Variants in COBL observed in about 807,000 individuals in gnomAD.
COBL encodes the protein protein cordon-bleu.
In COBL, 51 loss-of-function variants were observed where a neutral mutation model predicts 98.8. The observed-to-expected ratio is 0.52, with a 90% confidence interval of 0.41 to 0.65. The LOEUF (loss-of-function observed/expected upper bound fraction) is 0.65, where lower values mean the gene tolerates loss of function less well. Ranked by LOEUF, COBL falls within the 30% of genes least tolerant of loss-of-function variation. The pLI is 0.00. For missense variants in COBL, 1,617 were observed against 1,617.5 expected (o/e 1.00, Z 0.01); for synonymous variants, 634 against 651.7 (o/e 0.97, Z 0.41).
chr7:51,105,142 C>T (rs1796143167), intron 6 of COBL, among the ~76,000 whole-genome samples: 1 of 152,048 alleles, frequency 6.6e-6, no homozygotes, highest in East Asian at 1.9e-4. Context: ...AGATAAATTA[C>T]CTGCTGTACC....
chr7:51,153,193 T>C (rs189430824), intron 5 of COBL, among the ~76,000 whole-genome samples: 1 of 152,306 alleles, frequency 6.6e-6, no homozygotes, highest in East Asian at 1.9e-4. Flanking sequence ...AAAAGATACT[T>C]TTTTATTAGC....
chr7:51,252,565 T>C, intron 1 of COBL, among the ~76,000 whole-genome samples: 1 of 152,210 alleles, frequency 6.6e-6, no homozygotes, highest in East Asian at 1.9e-4. Flanking sequence ...TCACTGCAGC[T>C]GTTTTGAAAA....
intron 6 of COBL, 28 bp downstream of exon 6, chr7:51,136,130 T>C (rs751374367): frequency 6.3e-7 from 1 of 1,592,814 alleles, no homozygotes; most frequent in East Asian, 2.2e-5. Flanking sequence ...AAAGATGCTT[T>C]GGTTGTGAGA....
intron 6 of COBL, among the ~76,000 whole-genome samples, chr7:51,091,657 T>C (rs1794822127): frequency 6.6e-6 from 1 of 152,042 alleles, no homozygotes. Context: ...GAAATAGACA[T>C]ACAAAATTTT....
chr7:51,178,869 A>T (rs1450009857), intron 5 of COBL, among the ~76,000 whole-genome samples: 4 of 152,208 alleles, frequency 2.6e-5, no homozygotes, highest in Admixed American at 6.5e-5. Flanking sequence ...TTGGCCTCCC[A>T]AAGTGCTGGG....
At chr7:51,281,806 G>A (rs1197716364) in intron 1 of COBL, among the ~76,000 whole-genome samples, 6 of 152,138 alleles carry the variant, frequency 3.9e-5, no homozygotes. Flanking sequence ...AGATAGAATA[G>A]AAATAGTATG....
At chr7:51,295,599 C>T (rs1383181613) in intron 1 of COBL, among the ~76,000 whole-genome samples, 1 of 152,122 alleles carries the variant, frequency 6.6e-6, no homozygotes, top group Non-Finnish European at 1.5e-5. Flanking sequence ...AAAGCAAACA[C>T]GACATCCTGG....
At chr7:51,298,916 C>G (rs1029693840) in intron 1 of COBL, among the ~76,000 whole-genome samples, 5 of 152,204 alleles carry the variant, frequency 3.3e-5, no homozygotes, top group African/African-American at 1.2e-4. Flanking sequence ...TTTCTCATAT[C>G]TCAGCTCTCC....
intron 8 of COBL, among the ~76,000 whole-genome samples, chr7:51,040,608 G>A (rs1166480044): frequency 6.6e-6 from 1 of 152,156 alleles, no homozygotes; most frequent in Non-Finnish European, 1.5e-5. Flanking sequence ...ATGATCAAAA[G>A]GTAATGTTTG....
intron 1 of COBL, among the ~76,000 whole-genome samples, chr7:51,315,877 A>T (rs1803519899): frequency 1.3e-5 from 2 of 151,936 alleles, no homozygotes; most frequent in Admixed American, 6.5e-5. Context: ...AGGTTTGGGC[A>T]AAAGCGGAAT....
chr7:51,223,801 T>C (rs1584232222), intron 1 of COBL, among the ~76,000 whole-genome samples: 1 of 152,358 alleles, frequency 6.6e-6, no homozygotes, highest in Non-Finnish European at 1.5e-5. Flanking sequence ...GCTTAAAATA[T>C]GCCCAGGTCC....
intron 6 of COBL, among the ~76,000 whole-genome samples, chr7:51,125,766 T>A (rs1315819384): frequency 6.6e-6 from 1 of 152,056 alleles, no homozygotes; most frequent in African/African-American, 2.4e-5. Flanking sequence ...CTGAGAGAAA[T>A]TTTTTTTCTA....
At chr7:51,275,007 C>T (rs1040919626) in intron 1 of COBL, among the ~76,000 whole-genome samples, 6 of 152,306 alleles carry the variant, frequency 3.9e-5, no homozygotes, top group African/African-American at 1.2e-4. Context: ...ATCATCTGGC[C>T]GTGCAATTCA....
chr7:51,055,593 A>G (rs1200745559), intron 7 of COBL, among the ~76,000 whole-genome samples: 2 of 152,032 alleles, frequency 1.3e-5, no homozygotes, highest in East Asian at 3.9e-4. Flanking sequence ...GATTGTCCAG[A>G]CCCCATACCC....
At chr7:51,066,300 T>C (rs572650687) in intron 7 of COBL, among the ~76,000 whole-genome samples, 1 of 152,222 alleles carries the variant, frequency 6.6e-6, no homozygotes, top group South Asian at 2.1e-4. Context: ...ACATGAGAGA[T>C]CCTCCCATAA....
chr7:51,070,424 C>CACACACACACACACAT (rs3222194), intron 7 of COBL, among the ~76,000 whole-genome samples: 1 of 151,668 alleles, frequency 6.6e-6, no homozygotes, highest in East Asian at 1.9e-4. Flanking sequence ...CACACACACA[C>CACACACACACACACAT]AAAATTCCGA....
chr7:51,294,332 AAAT>A (rs1801202109), intron 1 of COBL, among the ~76,000 whole-genome samples: 1 of 132,702 alleles, frequency 7.5e-6, no homozygotes, highest in Non-Finnish European at 1.5e-5. Context: ...AAATAAATAA[AAAT>A]AAATAAATAA....
intron 8 of COBL, among the ~76,000 whole-genome samples, chr7:51,036,316 G>C (rs1296549929): frequency 7.5e-6 from 1 of 133,488 alleles, no homozygotes; most frequent in Non-Finnish European, 1.5e-5. Flanking sequence ...CAGCCTGGGT[G>C]ACAGAGTGAG....
chr7:51,243,737 A>T (rs982316452), intron 1 of COBL, among the ~76,000 whole-genome samples: 3 of 152,156 alleles, frequency 2.0e-5, no homozygotes, highest in Non-Finnish European at 4.4e-5. Flanking sequence ...TGATTGTCGG[A>T]GTTGGGGACG....
Sources: gnomAD v4.1 joint callset for allele counts (sites outside exome capture counted in the v4.1 genomes callset) on GRCh38, gnomAD v4.1.1 for gene constraint, MANE v1.5 for transcripts, NCBI Gene and HGNC (gene_info 2026-07-23, HGNC 2026-07-21) for gene names.